CUX1: variants seen among roughly 807,000 people sequenced by gnomAD.
CUX1 encodes the protein cut like homeobox 1, also known as protein CASP.
Under a neutral mutation model 158.8 loss-of-function variants are expected in CUX1, and 31 were observed. That is an observed-to-expected ratio of 0.20 (90% CI 0.15 to 0.26). CUX1 has a LOEUF of 0.26. Among genes scored for constraint, CUX1 ranks in the 10% least tolerant of loss-of-function variants. CUX1 has a pLI of 1.00. For missense variants in CUX1, 1,589 were observed against 2,014.6 expected (o/e 0.79, Z 4.04); for synonymous variants, 879 against 862.1 (o/e 1.02, Z -0.34).
At chr7:101,912,341 C>T (rs889271763) in intron 1 of CUX1, among the ~76,000 whole-genome samples, 1 of 151,840 alleles carries the variant, frequency 6.6e-6, no homozygotes, top group African/African-American at 2.4e-5. Flanking sequence ...CATAACTCGC[C>T]TCACTTCTTG....
chr7:101,886,275 C>T (rs1338065623), intron 1 of CUX1, among the ~76,000 whole-genome samples: 1 of 152,116 alleles, frequency 6.6e-6, no homozygotes, highest in Non-Finnish European at 1.5e-5. Context: ...CTCATTGCAA[C>T]CTCTGTCTCC....
intron 1 of CUX1, among the ~76,000 whole-genome samples, chr7:101,840,624 T>C (rs1445441980): frequency 6.6e-6 from 1 of 152,204 alleles, no homozygotes; most frequent in African/African-American, 2.4e-5. Context: ...GGATTTGATA[T>C]ACAGTTTTCA....
At chr7:101,898,247 TAA>T (rs1343315179) in intron 1 of CUX1, among the ~76,000 whole-genome samples, 2 of 152,210 alleles carry the variant, frequency 1.3e-5, no homozygotes, top group Non-Finnish European at 2.9e-5. Context: ...TTCCCCAATG[TAA>T]AAGTCACTCT....
chr7:101,924,860 C>G (rs1033442780), intron 2 of CUX1, among the ~76,000 whole-genome samples: 2 of 152,114 alleles, frequency 1.3e-5, no homozygotes, highest in African/African-American at 4.8e-5. Flanking sequence ...CCGGCGTGAG[C>G]CACCACACCT....
At chr7:102,180,939 T>G (rs1447011495) in intron 11 of CUX1, among the ~76,000 whole-genome samples, 2 of 133,188 alleles carry the variant, frequency 1.5e-5, no homozygotes, top group Non-Finnish European at 3.1e-5. Context: ...TTATTTTATT[T>G]TATTTTATTT....
At chr7:101,824,077 G>A (rs1384242383) in intron 1 of CUX1, among the ~76,000 whole-genome samples, 1 of 152,054 alleles carries the variant, frequency 6.6e-6, no homozygotes, top group Non-Finnish European at 1.5e-5. Flanking sequence ...AAGACAGAAC[G>A]AATATCAACT....
rs1213965799 is a variant in CUX1 at position 102,251,354 on chromosome 7, T to C, written c.*2312T>C. 1 of 985,336 alleles carries C rather than the reference T, an allele frequency of 1.0e-6. No individual in the cohort carries two copies. The highest frequency in any genetic ancestry group is 1.7e-5 in the African/African-American group (1 of 57,244). The allele number at this position is 985,336 out of a possible 1,614,324, so 61.0% of individuals were successfully genotyped here. On this transcript the variant is annotated 3_prime_UTR_variant, in exon 24 of 24. Transcript: ENST00000292535. ...TTGACTGTAAGATGTGAAACCACGTTTCTTGCATGATGTTTTAGAGATTAT... is the reference window on the plus strand; with the variant it reads ...TTGACTGTAAGATGTGAAACCACGTCTCTTGCATGATGTTTTAGAGATTAT...
chr7:102,025,299 TTGGTGC>T (rs1819862186), intron 2 of CUX1, among the ~76,000 whole-genome samples: 2 of 151,968 alleles, frequency 1.3e-5, no homozygotes, highest in Non-Finnish European at 1.5e-5. Context: ...CGGACTATTA[TTGGTGC>T]TGACCACAGA....
chr7:101,884,547 T>C (rs10242019), intron 1 of CUX1, among the ~76,000 whole-genome samples: 27,712 of 152,104 alleles, frequency 0.18, 4,284 homozygotes, highest in East Asian at 0.84. Context: ...GTTAAACTCA[T>C]GCTCTCCACA....
chr7:101,992,177 C>G (rs993673808), intron 2 of CUX1, among the ~76,000 whole-genome samples: 1 of 152,026 alleles, frequency 6.6e-6, no homozygotes, highest in African/African-American at 2.4e-5. Flanking sequence ...GGGTGCACTT[C>G]TTCTAGCCAG....
At chr7:102,276,649 G>A (rs1296226189) in intron 17 of CUX1, among the ~76,000 whole-genome samples, 1 of 152,164 alleles carries the variant, frequency 6.6e-6, no homozygotes, top group Non-Finnish European at 1.5e-5. Flanking sequence ...TCAAGCATTT[G>A]AATAAATTGA....
intron 1 of CUX1, among the ~76,000 whole-genome samples, chr7:101,885,451 C>T (rs769147188): frequency 2.7e-4 from 41 of 152,092 alleles, no homozygotes; most frequent in Non-Finnish European, 2.5e-4. Flanking sequence ...TTCAGCTACT[C>T]GGGAGGCTGA....
chr7:102,248,966 C>A lies in CUX1; in HGVS notation c.4442C>A (p.Ala1481Asp). The change falls in exon 24 of 24, where the codon GCC (alanine) becomes GAC (aspartate). Residue 1481 changes from alanine (A) to aspartate (D), a missense_variant. Transcript: ENST00000292535. The surrounding 1 kb of genome is among the most constrained non-coding windows in gnomAD (Gnocchi z 5.8). ...GACAACCCCCTGCGCAAGAAGAAGG[C>A]CGCGAACTTGAACAGCATCATCCAC... ...SRDNPLRKKK[A>D]ANLNSIIHRL... 1 of 1,478,292 alleles carries A rather than the reference C, an allele frequency of 6.8e-7. No homozygotes were observed. Among genetic ancestry groups the A allele is most frequent in the South Asian group, 1.3e-5 (1 of 79,278 alleles). 91.6% of individuals were successfully genotyped at this position (1,478,292 alleles called of 1,614,324 possible).
At chr7:102,124,878 T>C (rs189533513) in intron 8 of CUX1, among the ~76,000 whole-genome samples, 5 of 150,940 alleles carry the variant, frequency 3.3e-5, no homozygotes, top group African/African-American at 1.2e-4. Context: ...GCCTCCTGGG[T>C]TCAAGCAATT....
chr7:102,155,543 C>G (rs1237890144), intron 8 of CUX1, among the ~76,000 whole-genome samples: 1 of 148,114 alleles, frequency 6.8e-6, no homozygotes, highest in East Asian at 2.0e-4. Flanking sequence ...GACCCTGTCT[C>G]AAAAAGAAAA....
rs532723459 is a variant in CUX1 at position 102,035,715 on chromosome 7, G to C, written c.189+7570G>C. 2.0e-5 allele frequency among the ~76,000 whole-genome samples: 3 copies of C among 147,260 alleles called. No individual in the cohort carries two copies. The East Asian group carries it at 5.9e-4, about 29-fold the overall frequency. Reference sequence around the variant, plus strand: ...TAACAATACAAGGGAAATCTTTCTAGAGAAAGATGTAACATTTATATTGAA... The same window carrying C: ...TAACAATACAAGGGAAATCTTTCTACAGAAAGATGTAACATTTATATTGAA... On this transcript the variant is annotated intron_variant, in intron 3 of 23. Coordinates refer to ENST00000292535, the MANE Select transcript of CUX1 (RefSeq NM_181552.4).
intron 3 of CUX1, among the ~76,000 whole-genome samples, chr7:102,031,927 C>CT (rs140940307): frequency 0.4 from 57,044 of 143,244 alleles, 11,870 homozygotes; most frequent in Non-Finnish European, 0.46. Flanking sequence ...ATAATTTGTA[C>CT]TTTTTTTTTT....
At chr7:102,262,466 C>T (rs1385758248), downstream of CUX1, among the ~76,000 whole-genome samples, 3 of 140,102 alleles carry the variant, frequency 2.1e-5, no homozygotes, top group South Asian at 6.8e-4. Flanking sequence ...AGTGAGAAGA[C>T]CTGGAAACCA....
intron 4 of CUX1, among the ~76,000 whole-genome samples, chr7:102,089,175 C>T (rs562739392): frequency 3.9e-5 from 6 of 152,104 alleles, no homozygotes; most frequent in Non-Finnish European, 7.4e-5. Flanking sequence ...CTTCAGAATT[C>T]GATTTGATTC....
Sources: allele counts gnomAD v4.1 joint callset (sites outside exome capture counted in the v4.1 genomes callset), GRCh38; gene constraint gnomAD v4.1.1; non-coding constraint Gnocchi (gnomAD v3.1); transcripts MANE v1.5; gene names NCBI Gene and HGNC (gene_info 2026-07-23, HGNC 2026-07-21).